Variants in NRG1 observed in about 807,000 individuals in gnomAD.
The protein encoded by NRG1 is pro-neuregulin-1, membrane-bound isoform.
A neutral mutation model predicts 63.8 loss-of-function variants in NRG1; 18 were observed. The observed-to-expected ratio is 0.28, with a 90% CI of 0.19 to 0.42. NRG1 has a LOEUF of 0.42. Among genes scored for constraint, NRG1 ranks in the 10% least tolerant of loss-of-function variants. The probability of loss-of-function intolerance (pLI) is 1.00; values close to 1 mark genes in which losing one functional copy is unlikely to be tolerated. For synonymous variants in NRG1, 302 were observed against 301.3 expected (o/e 1.00, Z -0.02); for missense variants, 762 against 814.7 (o/e 0.94, Z 0.79).
chr8:32,349,204 C>A (rs538007442), intron 1 of NRG1, among the ~76,000 whole-genome samples: 1 of 152,168 alleles, frequency 6.6e-6, no homozygotes, highest in Non-Finnish European at 1.5e-5. Context: ...CAATCAGAAT[C>A]CCAATGGTCT....
chr8:32,268,516 C>A (rs1485844282), intron 1 of NRG1, among the ~76,000 whole-genome samples: 1 of 152,068 alleles, frequency 6.6e-6, no homozygotes, highest in Non-Finnish European at 1.5e-5. Flanking sequence ...AAAATAAATT[C>A]AAACTTTCAA....
intron 1 of NRG1, among the ~76,000 whole-genome samples, chr8:32,071,425 T>C (rs1825741948): frequency 6.6e-6 from 1 of 152,194 alleles, no homozygotes; most frequent in East Asian, 1.9e-4. Flanking sequence ...AGTTTTCTTG[T>C]CAAAGACTGT....
intron 5 of NRG1, among the ~76,000 whole-genome samples, chr8:32,640,964 AAAT>A (rs915319016): frequency 7.3e-5 from 11 of 151,280 alleles, no homozygotes; most frequent in African/African-American, 1.5e-4. Context: ...TGCCTCTACA[AAAT>A]AATAATAATA....
intron 1 of NRG1, among the ~76,000 whole-genome samples, chr8:31,714,856 A>G (rs1478015118): frequency 1.3e-5 from 2 of 152,206 alleles, no homozygotes; most frequent in Non-Finnish European, 2.9e-5. Flanking sequence ...TGAAGATATG[A>G]TTAAAAAATG....
At chr8:32,200,760 C>T (rs1843422160) in intron 1 of NRG1, among the ~76,000 whole-genome samples, 2 of 152,334 alleles carry the variant, frequency 1.3e-5, no homozygotes, top group Admixed American at 1.3e-4. Context: ...TGTAGAGTCT[C>T]ACTCATTCCC....
At chr8:31,729,933 A>T (rs1813848493) in intron 1 of NRG1, among the ~76,000 whole-genome samples, 1 of 152,130 alleles carries the variant, frequency 6.6e-6, no homozygotes, top group African/African-American at 2.4e-5. Flanking sequence ...TTCTTTCTCT[A>T]AGTGGGACCA....
chr8:32,037,174 C>T (rs1419171802), intron 1 of NRG1, among the ~76,000 whole-genome samples: 4 of 152,152 alleles, frequency 2.6e-5, no homozygotes, highest in Admixed American at 2.6e-4. Flanking sequence ...TTTCTTTTAG[C>T]AGTCAGGACC....
chr8:31,895,910 AG>A (rs1228982044), intron 1 of NRG1, among the ~76,000 whole-genome samples: 1 of 152,222 alleles, frequency 6.6e-6, no homozygotes, highest in African/African-American at 2.4e-5. Context: ...ATCCACAGAA[AG>A]AATGAAGAAT....
intron 1 of NRG1, among the ~76,000 whole-genome samples, chr8:32,309,780 C>T (rs1050681329): frequency 6.6e-6 from 1 of 152,236 alleles, no homozygotes; most frequent in East Asian, 1.9e-4. Context: ...TGTCCTTGTT[C>T]CCATGGTGGT....
intron 1 of NRG1, among the ~76,000 whole-genome samples, chr8:32,385,027 T>A (rs552484770): frequency 4.2e-4 from 64 of 152,310 alleles, no homozygotes; most frequent in African/African-American, 1.5e-3. Flanking sequence ...GGCCTCTCTC[T>A]CTTGTTTTTT....
chr8:32,238,633 T>C (rs1305382315), intron 1 of NRG1, among the ~76,000 whole-genome samples: 4 of 152,086 alleles, frequency 2.6e-5, no homozygotes, highest in Non-Finnish European at 5.9e-5. Context: ...AACTGATAGG[T>C]TGCTTCTGGG....
chr8:32,628,857 T>C (rs1040438560), intron 5 of NRG1, among the ~76,000 whole-genome samples: 3 of 151,920 alleles, frequency 2.0e-5, no homozygotes, highest in African/African-American at 7.2e-5. Flanking sequence ...CTCAGTCTCC[T>C]GAGCAGCTGG....
At chr8:32,400,953 A>G (rs1168387703) in intron 1 of NRG1, among the ~76,000 whole-genome samples, 1 of 152,256 alleles carries the variant, frequency 6.6e-6, no homozygotes, top group Non-Finnish European at 1.5e-5. Flanking sequence ...ATGGAATACT[A>G]TGCAGCCATA....
At chr8:31,814,153 G>T (rs1823210359) in intron 1 of NRG1, among the ~76,000 whole-genome samples, 1 of 152,152 alleles carries the variant, frequency 6.6e-6, no homozygotes, top group Non-Finnish European at 1.5e-5. Context: ...CATGGTCTTT[G>T]TCTTTTCCTA....
intron 1 of NRG1, among the ~76,000 whole-genome samples, chr8:32,369,720 T>C (rs929786471): frequency 6.6e-6 from 1 of 152,214 alleles, no homozygotes; most frequent in Admixed American, 6.5e-5. Context: ...CCAATGCTGA[T>C]TAATAGTAGT....
chr8:31,876,576 A>G (rs559550685), intron 1 of NRG1, among the ~76,000 whole-genome samples: 3 of 152,204 alleles, frequency 2.0e-5, no homozygotes, highest in Non-Finnish European at 2.9e-5. Flanking sequence ...TTGTAACACT[A>G]TTAGTTATGG....
rs1826681597 is a variant in NRG1 at position 32,742,874 on chromosome 8, C to T, written c.691+141C>T. On this transcript the variant is annotated intron_variant, in intron 7 of 11. Coordinates refer to ENST00000356819, the Ensembl canonical transcript of NRG1. The surrounding 1 kb of genome is among the most constrained non-coding windows in gnomAD (Gnocchi z 4.2). The stretch of plus-strand genomic sequence containing the variant: ...TCTAATATTGACTGCCTCTGCCTGT[C>T]GCATGAGAACATTAACAAAAGCAAT... 3.8e-6 allele frequency: 6 copies of T among 1,559,508 alleles called. No individual in the cohort carries two copies. The highest frequency in any genetic ancestry group is 5.2e-6 in the Non-Finnish European group (6 of 1,149,330).
rs867272641 is a variant in NRG1 at position 31,860,109 on chromosome 8, A to T, written c.37+220678A>T. ...CAAATGTATTTGTCATGCAAAGAAC[A>T]TTAGCTGAGAGAGAGCTTCCATATA... On this transcript the variant is annotated intron_variant, in intron 1 of 10. Transcript: ENST00000519301. Among the ~76,000 whole-genome samples, 6 of 152,358 alleles carry T rather than the reference A, an allele frequency of 3.9e-5. No homozygotes were observed. In the East Asian group the frequency reaches 1.2e-3, roughly 29 times the overall value.
chr8:32,433,963 G>A (rs571283757), intron 1 of NRG1, among the ~76,000 whole-genome samples: 16 of 152,130 alleles, frequency 1.1e-4, no homozygotes, highest in Middle Eastern at 3.4e-3. Flanking sequence ...CTTGGTGGGC[G>A]GATCCTGAGG....
Sources: gnomAD v4.1 joint callset for allele counts (sites outside exome capture counted in the v4.1 genomes callset) on GRCh38, gnomAD v4.1.1 for gene constraint, Gnocchi (gnomAD v3.1) non-coding constraint, MANE v1.5 for transcripts, NCBI Gene and HGNC (gene_info 2026-07-23, HGNC 2026-07-21) for gene names.